ABCE1: variants seen among roughly 807,000 people sequenced by gnomAD.
ABCE1 encodes the protein ATP binding cassette subfamily E member 1.
A neutral mutation model predicts 83.4 loss-of-function variants in ABCE1; 22 were observed. The ratio of observed to expected loss-of-function variants is 0.26; its 90% CI spans 0.19 to 0.38. ABCE1 has a LOEUF of 0.38. Ranked by LOEUF, ABCE1 falls within the 10% of genes least tolerant of loss-of-function variation. The pLI is 1.00. For missense variants in ABCE1, 330 were observed against 721.9 expected (o/e 0.46, Z 6.22); for synonymous variants, 204 against 233.7 (o/e 0.87, Z 1.16).
intron 11 of ABCE1, 108 bp downstream of exon 11, chr4:145,120,261 G>A: frequency 1.0e-6 from 1 of 953,264 alleles, no homozygotes; most frequent in Non-Finnish European, 1.6e-6. Flanking sequence ...GCTAGAAGCA[G>A]AGTTTTATTT....
intron 10 of ABCE1, among the ~76,000 whole-genome samples, chr4:145,117,898 G>C (rs958186082): frequency 1.1e-4 from 16 of 151,600 alleles, no homozygotes; most frequent in African/African-American, 3.9e-4. Context: ...TTTTCATTTA[G>C]TCTTTGTACT....
At chr4:145,110,839 C>A in intron 7 of ABCE1, 129 bp from the exon 8 acceptor site, 1 of 610,418 alleles carries the variant, frequency 1.6e-6, no homozygotes, top group East Asian at 2.9e-5. Context: ...CTGAAAATCT[C>A]CAGTAATTGT....
rs1749979279 is a variant in ABCE1 at position 145,129,369 on chromosome 4, A to G, written c.*1796A>G. Reference sequence around the variant, plus strand: ...TACTTATAAAATCAGTATAAAATCAATGCAGATGTTAGCAAAAGAATGAGA... The same window carrying G: ...TACTTATAAAATCAGTATAAAATCAGTGCAGATGTTAGCAAAAGAATGAGA... On this transcript the variant is annotated 3_prime_UTR_variant, in exon 18 of 18. Transcript: ENST00000296577. Among the ~76,000 whole-genome samples the G allele has an allele frequency of 6.6e-6, 1 of 152,194 alleles. No homozygotes were observed. The highest frequency in any genetic ancestry group is 6.5e-5 in the Admixed American group (1 of 15,280).
At chr4:145,101,000 G>A (rs560208531) in intron 1 of ABCE1, among the ~76,000 whole-genome samples, 1 of 151,998 alleles carries the variant, frequency 6.6e-6, no homozygotes, top group East Asian at 1.9e-4. Flanking sequence ...ATGTGTATGT[G>A]TTTGTAGAGA....
At chr4:145,124,532 C>T (rs924262868) in intron 16 of ABCE1, among the ~76,000 whole-genome samples, 3 of 152,096 alleles carry the variant, frequency 2.0e-5, no homozygotes, top group Admixed American at 6.5e-5. Flanking sequence ...TGGGTAAAAA[C>T]GATTAAGCAT....
chr4:145,110,729 T>G, intron 7 of ABCE1: 1 of 549,102 alleles, frequency 1.8e-6, no homozygotes. Flanking sequence ...CCCAAAGTGC[T>G]AGGATTACAG....
intron 1 of ABCE1, among the ~76,000 whole-genome samples, chr4:145,100,416 A>T (rs1346068046): frequency 1.3e-5 from 2 of 152,238 alleles, no homozygotes; most frequent in East Asian, 3.8e-4. Flanking sequence ...ATATTTTAGT[A>T]GTTTAACAGA....
At chr4:145,110,046 C>A in intron 5 of ABCE1, 57 bp from the exon 6 acceptor site, 4 of 1,413,054 alleles carry the variant, frequency 2.8e-6, no homozygotes, top group South Asian at 2.9e-5. Context: ...AGCATTCATC[C>A]TCTTTGTCAT....
At chr4:145,106,884 G>A (rs1157491729) in intron 3 of ABCE1, among the ~76,000 whole-genome samples, 1 of 152,080 alleles carries the variant, frequency 6.6e-6, no homozygotes, top group Admixed American at 6.5e-5. Flanking sequence ...GAAAACAAGA[G>A]TAATTATCTG....
intron 3 of ABCE1, among the ~76,000 whole-genome samples, chr4:145,107,484 A>G (rs909022989): frequency 2.6e-5 from 4 of 152,202 alleles, no homozygotes; most frequent in African/African-American, 9.6e-5. Context: ...TGTTTTAACA[A>G]AACCAAACAA....
intron 10 of ABCE1, 109 bp downstream of exon 10, chr4:145,117,523 ACT>A: frequency 2.1e-6 from 2 of 969,320 alleles, no homozygotes; most frequent in South Asian, 2.6e-5. Context: ...ATCATCCAAA[ACT>A]CTAGTTCCTT....
intron 3 of ABCE1, 91 bp downstream of exon 3, chr4:145,105,781 G>C: frequency 1.3e-6 from 1 of 755,318 alleles, no homozygotes; most frequent in Non-Finnish European, 2.1e-6. Flanking sequence ...CTTTAAGTGA[G>C]GCAAAGTATA....
chr4:145,110,862 A>G (rs1749451585), intron 7 of ABCE1, 106 bp from the exon 8 acceptor site: 1 of 712,644 alleles, frequency 1.4e-6, no homozygotes, highest in East Asian at 2.7e-5. Context: ...TATTTAAACA[A>G]TTTTCAACTG....
intron 1 of ABCE1, among the ~76,000 whole-genome samples, chr4:145,102,740 T>G (rs2126698092): frequency 1.3e-5 from 2 of 152,146 alleles, no homozygotes; most frequent in South Asian, 4.2e-4. Context: ...ATGAAAGGTT[T>G]GAAGAATGGA....
At chr4:145,118,453 T>G (rs1236355845) in intron 10 of ABCE1, among the ~76,000 whole-genome samples, 1 of 151,764 alleles carries the variant, frequency 6.6e-6, no homozygotes, top group Non-Finnish European at 1.5e-5. Context: ...AGATGCATAC[T>G]TTAAAGAAAA....
At chr4:145,105,393 TG>T (rs1212839968) in intron 2 of ABCE1, among the ~76,000 whole-genome samples, 1 of 152,076 alleles carries the variant, frequency 6.6e-6, no homozygotes, top group Non-Finnish European at 1.5e-5. Context: ...ATCTCCCTGC[TG>T]CCAAACAAGG....
chr4:145,122,197 T>G (rs895305387), intron 13 of ABCE1: 1 of 152,242 alleles, frequency 6.6e-6, no homozygotes, highest in Non-Finnish European at 1.5e-5. Context: ...AATGAACTCC[T>G]CAGTACCTCA....
Position 145,123,613 on chromosome 4 carries a change from T to C in ABCE1, c.1640+13T>C, listed in dbSNP as rs1249434160. 1.9e-6 allele frequency: 3 copies of C among 1,587,330 alleles called. No homozygotes were observed. The highest frequency in any genetic ancestry group is 2.2e-5 in the South Asian group (2 of 89,792). ...CAGTTGCAAACAGGTAAAATTACTT[T>C]TTAATATGTTCAAAGTAATTCATTT... On this transcript the variant is annotated intron_variant, in intron 16 of 17. Transcript: ENST00000296577.
intron 3 of ABCE1, among the ~76,000 whole-genome samples, chr4:145,106,005 T>G (rs775328545): frequency 3.3e-5 from 5 of 151,968 alleles, no homozygotes; most frequent in Non-Finnish European, 5.9e-5. Flanking sequence ...TGTATTGAAT[T>G]TTAAATTCAC....
Sources: gnomAD v4.1 joint callset for allele counts (sites outside exome capture counted in the v4.1 genomes callset) on GRCh38, gnomAD v4.1.1 for gene constraint, MANE v1.5 for transcripts, NCBI Gene and HGNC (gene_info 2026-07-23, HGNC 2026-07-21) for gene names.